Variants in SDK1 observed in about 807,000 individuals in gnomAD.
SDK1 encodes protein sidekick-1.
In SDK1, 157 loss-of-function variants were observed where a neutral mutation model predicts 245.5. The ratio of observed to expected loss-of-function variants is 0.64; its 90% CI spans 0.56 to 0.73. The LOEUF is 0.73. Ranked by LOEUF, SDK1 falls within the 30% of genes least tolerant of loss-of-function variation. The pLI is 0.00. For missense variants in SDK1, 3,583 were observed against 3,002.3 expected (o/e 1.19, Z -4.52); for synonymous variants, 1,647 against 1,278.5 (o/e 1.29, Z -6.15).
intron 1 of SDK1, among the ~76,000 whole-genome samples, chr7:3,374,110 A>G (rs1253466953): frequency 6.6e-6 from 1 of 152,100 alleles, no homozygotes. Flanking sequence ...TATCCACGGT[A>G]ATTGGAGCAA....
chr7:3,380,316 T>C (rs1039281718), intron 1 of SDK1, among the ~76,000 whole-genome samples: 1 of 152,216 alleles, frequency 6.6e-6, no homozygotes, highest in Admixed American at 6.5e-5. Context: ...TCCTTAGGAA[T>C]TCTTGCTAGT....
chr7:3,580,384 T>C (rs1476291378), intron 1 of SDK1, among the ~76,000 whole-genome samples: 1 of 152,164 alleles, frequency 6.6e-6, no homozygotes, highest in Non-Finnish European at 1.5e-5. Context: ...GTTACCTGAC[T>C]TCAAATTATA....
chr7:4,115,495 T>C (rs2128192322), intron 25 of SDK1, among the ~76,000 whole-genome samples: 1 of 152,354 alleles, frequency 6.6e-6, no homozygotes, highest in South Asian at 2.1e-4. Context: ...CGCTCTCTTT[T>C]GCTTCTCTTC....
intron 5 of SDK1, among the ~76,000 whole-genome samples, chr7:3,827,259 G>A (rs1779798855): frequency 1.3e-5 from 2 of 152,120 alleles, no homozygotes; most frequent in South Asian, 4.1e-4. Context: ...CAAGGCGTAG[G>A]CAGGCATGTA....
At chr7:3,956,546 G>C (rs1348307944) in intron 7 of SDK1, among the ~76,000 whole-genome samples, 1 of 152,228 alleles carries the variant, frequency 6.6e-6, no homozygotes, top group Non-Finnish European at 1.5e-5. Context: ...AGGCTTTCCA[G>C]AACAAGCTAA....
intron 8 of SDK1, among the ~76,000 whole-genome samples, chr7:3,961,294 A>C (rs1230106746): frequency 6.6e-6 from 1 of 152,232 alleles, no homozygotes; most frequent in Non-Finnish European, 1.5e-5. Context: ...GGATTTTTTA[A>C]TATTTCCTGA....
intron 22 of SDK1, among the ~76,000 whole-genome samples, chr7:4,089,367 G>C (rs1279107707): frequency 4.6e-5 from 7 of 152,238 alleles, no homozygotes; most frequent in Non-Finnish European, 8.8e-5. Context: ...TTCCATTTGT[G>C]AGGCTTGGAA....
chr7:3,477,051 A>T (rs1330976342), intron 1 of SDK1, among the ~76,000 whole-genome samples: 1 of 152,214 alleles, frequency 6.6e-6, no homozygotes, highest in Non-Finnish European at 1.5e-5. Context: ...AGACTGATCA[A>T]ATGAGTCTGA....
chr7:3,510,842 A>G (rs748082088), intron 1 of SDK1, among the ~76,000 whole-genome samples: 14 of 152,358 alleles, frequency 9.2e-5, no homozygotes, highest in South Asian at 2.1e-4. Context: ...TTACCCCAAC[A>G]AAAGATGGCA....
intron 1 of SDK1, among the ~76,000 whole-genome samples, chr7:3,586,751 C>A (rs147021298): frequency 2.0e-5 from 3 of 150,482 alleles, no homozygotes; most frequent in East Asian, 3.9e-4. Context: ...AATTTTGTTA[C>A]AGTGTCTAAG....
At position 3,404,522 on chromosome 7, in the gene SDK1, C is replaced by G. The variant is rs565037759; in HGVS notation, c.298+102638C>G. 6.2e-4 allele frequency among the ~76,000 whole-genome samples: 94 copies of G among 152,336 alleles called. 1 individual carries two copies. The highest frequency in any genetic ancestry group is 2.3e-3 in the African/African-American group (94 of 41,580). On this transcript the variant is annotated intron_variant, in intron 1 of 44. Transcript: ENST00000404826. ...TTTGTCATCTAAACAACTTGTTAGT[C>G]TGCCCTTAGGCTTGACATTATTTTT...
intron 5 of SDK1, among the ~76,000 whole-genome samples, chr7:3,829,456 T>A (rs1421879812): frequency 1.3e-5 from 2 of 152,188 alleles, no homozygotes; most frequent in Non-Finnish European, 2.9e-5. Flanking sequence ...AACAATCAAC[T>A]CTGTTTCAAA....
At chr7:3,615,530 A>G (rs1480648414) in intron 1 of SDK1, among the ~76,000 whole-genome samples, 1 of 151,696 alleles carries the variant, frequency 6.6e-6, no homozygotes, top group Non-Finnish European at 1.5e-5. Flanking sequence ...CCTGCATCAG[A>G]CCTAGATTAT....
At chr7:4,185,764 G>A (rs555280355) in intron 35 of SDK1, among the ~76,000 whole-genome samples, 16 of 151,564 alleles carry the variant, frequency 1.1e-4, no homozygotes, top group Admixed American at 2.6e-4. Context: ...TCCCCAGAAC[G>A]TTAGCATAAG....
At chr7:3,917,776 C>T (rs1294642466) in intron 5 of SDK1, among the ~76,000 whole-genome samples, 2 of 151,334 alleles carry the variant, frequency 1.3e-5, no homozygotes, top group African/African-American at 4.9e-5. Flanking sequence ...GGCTTCTCTC[C>T]TGCTACATAC....
At chr7:4,125,539 A>C (rs975051851) in intron 25 of SDK1, among the ~76,000 whole-genome samples, 1 of 152,170 alleles carries the variant, frequency 6.6e-6, no homozygotes, top group Non-Finnish European at 1.5e-5. Context: ...TTGGATGGAT[A>C]GATGAGTGGG....
chr7:3,655,375 G>A (rs1018622247), intron 4 of SDK1, among the ~76,000 whole-genome samples: 2 of 148,322 alleles, frequency 1.3e-5, no homozygotes, highest in Non-Finnish European at 3.0e-5. Flanking sequence ...GGAGGTTGCG[G>A]TGAGCCGAGA....
rs115603156 is a variant in SDK1 at position 3,780,256 on chromosome 7, C to T, written c.714-41194C>T. On this transcript the variant is annotated intron_variant, in intron 4 of 44. Transcript: ENST00000404826. Reference sequence around the variant, plus strand: ...TTCCCTGGACCAACAGTTTCTGCCACAGGGAAAGAGAACCAGAGGCAGTCA... The same window carrying T: ...TTCCCTGGACCAACAGTTTCTGCCATAGGGAAAGAGAACCAGAGGCAGTCA... 5.6e-3 allele frequency among the ~76,000 whole-genome samples: 849 copies of T among 152,302 alleles called. 9 individuals are homozygous for T. The highest frequency in any genetic ancestry group is 0.02 in the African/African-American group (814 of 41,566).
chr7:3,623,759 G>A (rs530131402), intron 2 of SDK1, among the ~76,000 whole-genome samples: 6 of 152,168 alleles, frequency 3.9e-5, no homozygotes, highest in East Asian at 1.9e-4. Flanking sequence ...CACCTAAGCC[G>A]AGAATTTCTT....
Sources: gnomAD v4.1 joint callset for allele counts (sites outside exome capture counted in the v4.1 genomes callset) on GRCh38, gnomAD v4.1.1 for gene constraint, MANE v1.5 for transcripts, NCBI Gene and HGNC (gene_info 2026-07-23, HGNC 2026-07-21) for gene names.